The following SPAG6 variants were observed in gnomAD, a reference collection of about 807,000 sequenced individuals.
SPAG6 encodes sperm associated antigen 6.
In SPAG6, 49 loss-of-function variants were observed where a neutral mutation model predicts 58.5. That is an observed-to-expected ratio of 0.84 (90% CI 0.67 to 1.06). The LOEUF is 1.06. Among genes scored for constraint, SPAG6 ranks in the 50% least tolerant of loss-of-function variants. The probability of loss-of-function intolerance (pLI) is 0.00; values close to 1 mark genes in which losing one functional copy is unlikely to be tolerated. For missense variants in SPAG6, 560 were observed against 611.3 expected (o/e 0.92, Z 0.89); for synonymous variants, 233 against 225.6 (o/e 1.03, Z -0.29).
rs1834135243 is a variant in SPAG6, at chr10:22,389,333, C to T, written c.1005+21C>T. ...CTAAGGTTTGTTCTTGCTTCGTTTT[C>T]TTCCAGTTGCAGTAAGAAATTCTAA... is the stretch of plus-strand genomic sequence containing the variant. On this transcript the variant is annotated intron_variant, in intron 7 of 10. Coordinates refer to ENST00000376624, the MANE Select transcript of SPAG6 (RefSeq NM_012443.4). 1.9e-6 allele frequency: 3 copies of T among 1,604,136 alleles called. No individual in the cohort carries two copies. In the African/African-American group the frequency reaches 4.0e-5, roughly 21 times the overall value.
intron 7 of SPAG6, 109 bp downstream of exon 7, chr10:22,389,421 A>G (rs1443053881): frequency 8.7e-7 from 1 of 1,143,028 alleles, no homozygotes; most frequent in South Asian, 1.6e-5. Flanking sequence ...GAGCAAAAAA[A>G]TTACCTGAAA....
At chr10:22,382,631 G>GTGTACTAC (rs1320032067) in intron 4 of SPAG6, among the ~76,000 whole-genome samples, 1 of 152,136 alleles carries the variant, frequency 6.6e-6, no homozygotes, top group Non-Finnish European at 1.5e-5. Context: ...GAAGTAGCCT[G>GTGTACTAC]TTGGATGTGT....
chr10:22,414,951 G>A (rs1476619115), intron 10 of SPAG6, among the ~76,000 whole-genome samples: 4 of 152,016 alleles, frequency 2.6e-5, no homozygotes, highest in African/African-American at 4.8e-5. Context: ...TTTTTAGCAC[G>A]GACGAGGTTT....
intron 2 of SPAG6, chr10:22,361,404 A>G (rs1159706440): frequency 6.6e-6 from 1 of 152,360 alleles, no homozygotes; most frequent in African/African-American, 2.4e-5. Context: ...TATATAAAAA[A>G]GAGAATTCCA....
chr10:22,403,514 T>G (rs1183360633), intron 9 of SPAG6, among the ~76,000 whole-genome samples: 1 of 152,204 alleles, frequency 6.6e-6, no homozygotes, highest in Non-Finnish European at 1.5e-5. Context: ...TGTGCCACAT[T>G]TTCTTAATCC....
Position 22,388,015 on chromosome 10 carries a change from G to A in SPAG6, c.852+19G>A. On this transcript the variant is annotated intron_variant, in intron 6 of 10. Coordinates refer to ENST00000376624, the MANE Select transcript of SPAG6 (RefSeq NM_012443.4). ...ACCCGAGGTGAAAAGAAACTTCAAG[G>A]CACAATAATATGTAGTAGTTAGTTT... 6.3e-7 allele frequency: 1 copy of A among 1,589,988 alleles called. No homozygotes were observed. The highest frequency in any genetic ancestry group is 8.6e-7 in the Non-Finnish European group (1 of 1,168,122).
chr10:22,387,644 G>A (rs937674327), intron 5 of SPAG6, among the ~76,000 whole-genome samples, 179 bp from the exon 6 acceptor site: 3 of 152,116 alleles, frequency 2.0e-5, no homozygotes, highest in Non-Finnish European at 2.9e-5. Context: ...TTAGAACTTG[G>A]GTATAAGACT....
At chr10:22,401,140 C>T (rs975768994) in intron 8 of SPAG6, 21 bp from the exon 9 acceptor site, 2 of 1,083,824 alleles carry the variant, frequency 1.8e-6, no homozygotes, top group East Asian at 2.4e-5. Flanking sequence ...CTTATGTATA[C>T]ATTCTGCTTT....
At chr10:22,387,797 G>A (rs1400294538) in intron 5 of SPAG6, 26 bp from the exon 6 acceptor site, 2 of 1,589,628 alleles carry the variant, frequency 1.3e-6, no homozygotes, top group Admixed American at 3.7e-5. Context: ...GTGTTTTGTT[G>A]TTGTTGTTTT....
intron 9 of SPAG6, among the ~76,000 whole-genome samples, chr10:22,405,490 C>T (rs567869785): frequency 6.7e-6 from 1 of 149,528 alleles, no homozygotes; most frequent in South Asian, 2.2e-4. Flanking sequence ...ATGAAGCCCA[C>T]TTGATCATGG....
chr10:22,374,663 C>T (rs952008217), intron 4 of SPAG6, among the ~76,000 whole-genome samples: 1 of 146,326 alleles, frequency 6.8e-6, no homozygotes, highest in African/African-American at 2.5e-5. Flanking sequence ...GTGGTCTCAA[C>T]TATTTGGGAG....
intron 9 of SPAG6, among the ~76,000 whole-genome samples, chr10:22,408,609 C>T (rs961395107): frequency 2.5e-4 from 38 of 152,020 alleles, no homozygotes; most frequent in Admixed American, 8.5e-4. Flanking sequence ...GCCCTGCCCC[C>T]AGAGGTGGAG....
chr10:22,383,624 C>G (rs1240022764), intron 4 of SPAG6, among the ~76,000 whole-genome samples: 1 of 150,804 alleles, frequency 6.6e-6, no homozygotes, highest in Admixed American at 6.6e-5. Context: ...GGCAACAGAG[C>G]AAGACTCCAT....
At chr10:22,378,006 T>C (rs574081819) in intron 4 of SPAG6, among the ~76,000 whole-genome samples, 26 of 151,610 alleles carry the variant, frequency 1.7e-4, no homozygotes, top group East Asian at 3.9e-4. Flanking sequence ...ATTAAAAAAT[T>C]GTTATGTATT....
At chr10:22,396,024 T>C (rs964751756) in intron 8 of SPAG6, among the ~76,000 whole-genome samples, 3 of 152,198 alleles carry the variant, frequency 2.0e-5, no homozygotes, top group African/African-American at 7.2e-5. Context: ...ACAGGAAGCA[T>C]GGCTGGGAAG....
At chr10:22,353,976 C>G (rs1303088776) in intron 2 of SPAG6, among the ~76,000 whole-genome samples, 1 of 152,112 alleles carries the variant, frequency 6.6e-6, no homozygotes, top group African/African-American at 2.4e-5. Flanking sequence ...TTAGTTATGA[C>G]TGGAGCTCAG....
chr10:22,382,525 T>C (rs1360899927), intron 4 of SPAG6, among the ~76,000 whole-genome samples: 1 of 152,138 alleles, frequency 6.6e-6, no homozygotes, highest in African/African-American at 2.4e-5. Context: ...AAAAAGTAAA[T>C]GAATATTATT....
chr10:22,367,423 A>G (rs34437713), intron 3 of SPAG6, among the ~76,000 whole-genome samples: 3,426 of 152,270 alleles, frequency 0.022, 83 homozygotes, highest in Non-Finnish European at 0.029. Context: ...CTGATTTTTA[A>G]GATATACTAT....
At chr10:22,379,350 C>G (rs1833897857) in intron 4 of SPAG6, among the ~76,000 whole-genome samples, 3 of 152,208 alleles carry the variant, frequency 2.0e-5, no homozygotes. Flanking sequence ...GTCCCCTCCC[C>G]CGTTGCACCA....
Sources: gnomAD v4.1 joint callset for allele counts (sites outside exome capture counted in the v4.1 genomes callset) on GRCh38, gnomAD v4.1.1 for gene constraint, MANE v1.5 for transcripts, NCBI Gene and HGNC (gene_info 2026-07-23, HGNC 2026-07-21) for gene names.